Variants in TRPC4AP observed in about 807,000 individuals in gnomAD.
The protein encoded by TRPC4AP is transient receptor potential cation channel subfamily C member 4 associated protein.
A neutral mutation model predicts 99.0 loss-of-function variants in TRPC4AP; 45 were observed. The observed-to-expected ratio is 0.45, with a 90% CI of 0.36 to 0.58. The LOEUF (loss-of-function observed/expected upper bound fraction) is 0.58. Among genes scored for constraint, TRPC4AP ranks in the 20% least tolerant of loss-of-function variants. TRPC4AP has a pLI of 0.00. For synonymous variants in TRPC4AP, 408 were observed against 385.8 expected (o/e 1.06, Z -0.67); for missense variants, 879 against 985.3 (o/e 0.89, Z 1.44).
At chr20:35,006,913 A>G (rs979140171) in intron 14 of TRPC4AP, among the ~76,000 whole-genome samples, 1 of 152,272 alleles carries the variant, frequency 6.6e-6, no homozygotes, top group Non-Finnish European at 1.5e-5. Context: ...AACACAGGCC[A>G]CTGCCTAAGC....
At chr20:35,060,882 T>A (rs1358924567) in intron 3 of TRPC4AP, among the ~76,000 whole-genome samples, 1 of 152,108 alleles carries the variant, frequency 6.6e-6, no homozygotes, top group Non-Finnish European at 1.5e-5. Flanking sequence ...ACAGCTAGCA[T>A]CACGCTTAAC....
chr20:35,018,604 GAAAAAAA>G (rs11479211), intron 9 of TRPC4AP, among the ~76,000 whole-genome samples: 10 of 88,950 alleles, frequency 1.1e-4, no homozygotes, highest in Non-Finnish European at 1.7e-4. Flanking sequence ...CTCAAAAAAA[GAAAAAAA>G]AAAAAAAAAA....
chr20:35,028,614 T>G (rs543089606), intron 8 of TRPC4AP, among the ~76,000 whole-genome samples: 1 of 152,330 alleles, frequency 6.6e-6, no homozygotes, highest in East Asian at 1.9e-4. Context: ...TGGAGAATGT[T>G]CATGTGCACT....
chr20:35,068,098 CTGTT>C (rs763669395), intron 3 of TRPC4AP, among the ~76,000 whole-genome samples: 8 of 152,006 alleles, frequency 5.3e-5, no homozygotes, highest in Admixed American at 2.0e-4. Flanking sequence ...TTAAAATACA[CTGTT>C]TGTGGAAGGG....
At chr20:35,085,749 G>T (rs2084824530) in intron 1 of TRPC4AP, among the ~76,000 whole-genome samples, 2 of 152,050 alleles carry the variant, frequency 1.3e-5, no homozygotes, top group Admixed American at 1.3e-4. Flanking sequence ...AGTACTTGTG[G>T]TTTAACAGTT....
At chr20:35,084,192 C>T (rs760277948) in intron 1 of TRPC4AP, among the ~76,000 whole-genome samples, 62 of 151,502 alleles carry the variant, frequency 4.1e-4, no homozygotes, top group Non-Finnish European at 7.4e-4. Flanking sequence ...ATCCCAGCTA[C>T]TCGGGGGGCA....
rs2085056074 is a variant in TRPC4AP, at chr20:35,091,237, G to A, written c.168+1377C>T. On this transcript the variant is annotated intron_variant, in intron 1 of 18. Transcript: ENST00000252015. ...ATTCCTGGATTCAAGCGATCTGCCT[G>A]CCTCGGCCTCCCAAAGTGCTGGGAT... Among the ~76,000 whole-genome samples the A allele has an allele frequency of 2.6e-5, 4 of 151,938 alleles. No individual in the cohort carries two copies. In the South Asian group the frequency reaches 8.3e-4, roughly 32 times the overall value.
intron 1 of TRPC4AP, among the ~76,000 whole-genome samples, chr20:35,092,362 C>T (rs898750269): frequency 6.6e-6 from 1 of 152,174 alleles, no homozygotes; most frequent in Non-Finnish European, 1.5e-5. Context: ...GAAACTGGGC[C>T]CAGGGTTCGT....
intron 9 of TRPC4AP, among the ~76,000 whole-genome samples, chr20:35,019,787 G>A (rs2082843844): frequency 2.6e-5 from 4 of 152,112 alleles, no homozygotes; most frequent in Admixed American, 2.6e-4. Context: ...GGCTATCACC[G>A]TGGGATCTCA....
Position 35,003,608 on chromosome 20 carries a change from G to A in TRPC4AP, c.2058C>T (p.Val686=), listed in dbSNP as rs1017334418. ...TCACCAGGCTGGTGTTGAGGCAGCT[G>A]ACGTTCTCCTGCAAGGCCACAGGCC... is the stretch of plus-strand genomic sequence containing the variant. The part of the protein sequence containing the change: ...IHVQTLTQEN[V]SCLNTSLVIL... Residue 686 remains valine, a synonymous_variant, in exon 18 of 19, where the codon GTC becomes GTT. Transcript: ENST00000252015. The A allele has an allele frequency of 6.2e-7, 1 of 1,613,560 alleles. No individual in the cohort carries two copies. Among genetic ancestry groups the A allele is most frequent in the Non-Finnish European group, 8.5e-7 (1 of 1,179,884 alleles).
At chr20:35,086,459 GT>G (rs2084855877) in intron 1 of TRPC4AP, among the ~76,000 whole-genome samples, 1 of 66,170 alleles carries the variant, frequency 1.5e-5, no homozygotes, top group Non-Finnish European at 3.3e-5. Context: ...GTGTGTGTGT[GT>G]GTGTGTGTGT....
chr20:35,022,567 G>A (rs2082917592), intron 8 of TRPC4AP, among the ~76,000 whole-genome samples: 1 of 152,154 alleles, frequency 6.6e-6, no homozygotes, highest in African/African-American at 2.4e-5. Context: ...AGATGAATCA[G>A]TAACTGCCAA....
chr20:35,023,813 G>A (rs1182489942), intron 8 of TRPC4AP, among the ~76,000 whole-genome samples: 1 of 152,234 alleles, frequency 6.6e-6, no homozygotes, highest in Non-Finnish European at 1.5e-5. Context: ...GCACAGTGTG[G>A]GGCACACAAG....
At chr20:35,092,222 T>C (rs1320096726) in intron 1 of TRPC4AP, among the ~76,000 whole-genome samples, 1 of 152,010 alleles carries the variant, frequency 6.6e-6, no homozygotes, top group African/African-American at 2.4e-5. Flanking sequence ...CGGGAACCAT[T>C]TGGGGGCTGC....
At position 35,092,644 on chromosome 20, in the gene TRPC4AP, C is replaced by A; in HGVS notation, c.138G>T (p.Leu46=). 1.3e-6 allele frequency: 2 copies of A among 1,515,972 alleles called. No homozygotes were observed. The highest frequency in any genetic ancestry group is 2.4e-5 in the South Asian group (2 of 82,548). 93.9% of individuals were successfully genotyped at this position (1,515,972 alleles called of 1,614,324 possible). A position where few individuals can be genotyped will look rare whatever the true frequency, so the allele number is the denominator to read the frequency against. Residue 46 remains leucine, a synonymous_variant, in exon 1 of 19, where the codon CTG becomes CTT. Transcript: ENST00000252015. The part of the protein sequence containing the change: ...NILLQLRQGQ[L]TGRGLVRAVQ... ...CCGCCCGGACCAGGCCCCGGCCGGT[C>A]AGCTGGCCCTGCCGCAGCTGCAGCA...
intron 8 of TRPC4AP, among the ~76,000 whole-genome samples, chr20:35,034,357 A>G (rs1024451519): frequency 1.3e-5 from 2 of 151,984 alleles, no homozygotes; most frequent in African/African-American, 2.4e-5. Context: ...ACCTCTGTAC[A>G]TGAGCAAGCT....
At chr20:35,021,076 G>T in intron 9 of TRPC4AP, 114 bp downstream of exon 9, 1 of 1,167,500 alleles carries the variant, frequency 8.6e-7, no homozygotes, top group Non-Finnish European at 1.2e-6. Context: ...CCTATGCTTT[G>T]CCAGGCTAAA....
chr20:35,048,155 A>C (rs1300283235), intron 6 of TRPC4AP, among the ~76,000 whole-genome samples: 1 of 150,328 alleles, frequency 6.7e-6, no homozygotes, highest in Non-Finnish European at 1.5e-5. Context: ...TGTTCATAAC[A>C]TTGCCCATTT....
At chr20:35,080,414 T>C (rs957518077) in intron 1 of TRPC4AP, among the ~76,000 whole-genome samples, 11 of 151,312 alleles carry the variant, frequency 7.3e-5, no homozygotes, top group Non-Finnish European at 1.5e-4. Context: ...GGTGGGAGAA[T>C]GGCTTGAGCC....
Sources: gnomAD v4.1 joint callset for allele counts (sites outside exome capture counted in the v4.1 genomes callset) on GRCh38, gnomAD v4.1.1 for gene constraint, MANE v1.5 for transcripts, NCBI Gene and HGNC (gene_info 2026-07-23, HGNC 2026-07-21) for gene names.